Variants in ASTN1 observed in about 807,000 individuals in gnomAD.
ASTN1 encodes the protein astrotactin 1, also known as astrotactin-1.
Under a neutral mutation model 140.7 loss-of-function variants are expected in ASTN1, and 41 were observed. The observed-to-expected ratio is 0.29, with a 90% CI of 0.23 to 0.38. ASTN1 has a LOEUF of 0.38. Ranked by LOEUF, ASTN1 falls within the 10% of genes least tolerant of loss-of-function variation. The pLI, the probability that ASTN1 is intolerant of heterozygous loss-of-function variation, is 1.00. For synonymous variants in ASTN1, 640 were observed against 652.2 expected (o/e 0.98, Z 0.29); for missense variants, 1,479 against 1,678.8 (o/e 0.88, Z 2.08).
rs532603368 is a variant in ASTN1 at position 176,882,764 on chromosome 1, G to A, written c.3362+95C>T. The A allele has an allele frequency of 7.1e-5, 107 of 1,513,176 alleles. No homozygotes were observed. In the African/African-American group the frequency reaches 1.2e-3, roughly 17 times the overall value. 93.7% of individuals were successfully genotyped at this position (1,513,176 alleles called of 1,614,324 possible). A position where few individuals can be genotyped will look rare whatever the true frequency, so the allele number is the denominator to read the frequency against. ...CTTCAGAGACTCAACATGTTTTGCT[G>A]AGTCTCTAAAGGAACTCAAGTAGCA... On this transcript the variant is annotated intron_variant, in intron 20 of 22. Transcript: ENST00000361833.
At chr1:176,868,700 A>G in intron 22 of ASTN1, 144 bp downstream of exon 22, 1 of 810,406 alleles carries the variant, frequency 1.2e-6, no homozygotes, top group Non-Finnish European at 1.8e-6. Flanking sequence ...CATGGACTGA[A>G]CTGTCTTAAA....
At chr1:177,160,025 A>G (rs911641181) in intron 1 of ASTN1, among the ~76,000 whole-genome samples, 14 of 152,252 alleles carry the variant, frequency 9.2e-5, no homozygotes, top group Non-Finnish European at 1.5e-5. Flanking sequence ...ATTTGCATAA[A>G]GATCACAAAA....
At chr1:177,061,600 G>A (rs1678095301) in intron 1 of ASTN1, among the ~76,000 whole-genome samples, 2 of 152,200 alleles carry the variant, frequency 1.3e-5, no homozygotes, top group South Asian at 2.1e-4. Context: ...GATACCTCCC[G>A]AGGTAAATAC....
intron 1 of ASTN1, among the ~76,000 whole-genome samples, chr1:177,149,085 C>T (rs1436707007): frequency 8.7e-6 from 1 of 115,452 alleles, no homozygotes; most frequent in Non-Finnish European, 1.6e-5. Context: ...ATATAGTAAA[C>T]ATATATATAG....
At chr1:177,070,189 A>G (rs1359485889) in intron 1 of ASTN1, among the ~76,000 whole-genome samples, 1 of 152,204 alleles carries the variant, frequency 6.6e-6, no homozygotes, top group African/African-American at 2.4e-5. Context: ...TCCTGCAGTG[A>G]TGTGTTGGGA....
intron 22 of ASTN1, among the ~76,000 whole-genome samples, chr1:176,866,539 G>A (rs969425126): frequency 2.6e-5 from 4 of 152,092 alleles, no homozygotes; most frequent in African/African-American, 9.7e-5. Context: ...AGAAGAGGGA[G>A]GGACAACATC....
At chr1:176,994,373 T>G (rs1486632208) in intron 8 of ASTN1, among the ~76,000 whole-genome samples, 1 of 152,132 alleles carries the variant, frequency 6.6e-6, no homozygotes, top group Admixed American at 6.6e-5. Flanking sequence ...ATTATACTTT[T>G]TTTTTTGAGC....
intron 14 of ASTN1, among the ~76,000 whole-genome samples, chr1:176,938,185 T>C (rs1671529349): frequency 6.6e-6 from 1 of 152,232 alleles, no homozygotes; most frequent in Non-Finnish European, 1.5e-5. Context: ...CTTTGGCTTT[T>C]AACTTCTACG....
chr1:177,035,822 A>C (rs1676686998), intron 2 of ASTN1, among the ~76,000 whole-genome samples: 1 of 152,184 alleles, frequency 6.6e-6, no homozygotes, highest in African/African-American at 2.4e-5. Flanking sequence ...CCATTTTGGT[A>C]AGTTCATCCA....
intron 16 of ASTN1, among the ~76,000 whole-genome samples, chr1:176,904,757 C>A (rs1466328586): frequency 6.6e-6 from 1 of 152,144 alleles, no homozygotes; most frequent in Non-Finnish European, 1.5e-5. Context: ...AAGAAGGAGC[C>A]TGGAAAGCTC....
At chr1:176,946,401 A>T (rs1671960828) in intron 12 of ASTN1, among the ~76,000 whole-genome samples, 1 of 152,206 alleles carries the variant, frequency 6.6e-6, no homozygotes, top group Non-Finnish European at 1.5e-5. Flanking sequence ...CTGTACAGTT[A>T]CCCAAATAGG....
chr1:176,917,578 T>C (rs139063278), intron 16 of ASTN1, among the ~76,000 whole-genome samples: 477 of 152,180 alleles, frequency 3.1e-3, no homozygotes, highest in Non-Finnish European at 5.1e-3. Flanking sequence ...AACAAATGCA[T>C]TGCTTTGGGA....
intron 1 of ASTN1, among the ~76,000 whole-genome samples, chr1:177,068,241 C>T (rs755797722): frequency 5.9e-5 from 9 of 152,174 alleles, no homozygotes; most frequent in Non-Finnish European, 1.2e-4. Flanking sequence ...TCTCATTCCT[C>T]TTTCTCCAAA....
intron 2 of ASTN1, among the ~76,000 whole-genome samples, chr1:177,048,049 T>C (rs2102008003): frequency 6.6e-6 from 1 of 152,256 alleles, no homozygotes; most frequent in South Asian, 2.1e-4. Context: ...TACAGGAATA[T>C]CTACATGGCC....
At chr1:177,027,273 T>C (rs1375435305) in intron 5 of ASTN1, among the ~76,000 whole-genome samples, 1 of 152,138 alleles carries the variant, frequency 6.6e-6, no homozygotes, top group Non-Finnish European at 1.5e-5. Context: ...CCCTTGGTGC[T>C]ATAAGGTGTG....
Position 177,057,408 on chromosome 1 carries a change from G to T in ASTN1, c.471+3670C>A, listed in dbSNP as rs182091655. Among the ~76,000 whole-genome samples, 990 of 152,176 alleles carry T rather than the reference G, an allele frequency of 6.5e-3. 4 individuals are homozygous for T. Among genetic ancestry groups the T allele is most frequent in the Non-Finnish European group, 9.9e-3 (674 of 67,996 alleles). On this transcript the variant is annotated intron_variant, in intron 2 of 22. Transcript: ENST00000361833. ...CTCATTCTCTAATTTCTTATATTTTGTGTTAAAACAAAACATAATATATGC... is the reference window on the plus strand; with the variant it reads ...CTCATTCTCTAATTTCTTATATTTTTTGTTAAAACAAAACATAATATATGC...
Position 176,958,512 on chromosome 1 carries a change from T to C in ASTN1, c.1599-30A>G, listed in dbSNP as rs752986049. The C allele has an allele frequency of 8.8e-6, 14 of 1,588,302 alleles. No individual in the cohort carries two copies. The South Asian group carries it at 1.3e-4, about 14-fold the overall frequency. On this transcript the variant is annotated intron_variant, in intron 9 of 22. Transcript: ENST00000361833. ...AGGGACACCCAGTGCCAGGTGGTCA[T>C]GACTGGGGGCATAACCACTCACCAC...
intron 1 of ASTN1, among the ~76,000 whole-genome samples, chr1:177,061,661 T>G (rs1184861312): frequency 1.3e-5 from 2 of 152,176 alleles, no homozygotes; most frequent in East Asian, 3.9e-4. Context: ...CCAGCAATTA[T>G]TCCTAGACAT....
intron 8 of ASTN1, among the ~76,000 whole-genome samples, chr1:176,970,762 A>G (rs1416015128): frequency 9.7e-6 from 1 of 103,458 alleles, no homozygotes; most frequent in Non-Finnish European, 2.0e-5. Context: ...GTGTGTGTGT[A>G]TTCTCTTTGA....
Sources: gnomAD v4.1 joint callset for allele counts (sites outside exome capture counted in the v4.1 genomes callset) on GRCh38, gnomAD v4.1.1 for gene constraint, MANE v1.5 for transcripts, NCBI Gene and HGNC (gene_info 2026-07-23, HGNC 2026-07-21) for gene names.